CDH13: variants seen among roughly 807,000 people sequenced by gnomAD.
CDH13 encodes the protein cadherin 13, also known as cadherin-13.
In CDH13, 24 loss-of-function variants were observed where a neutral mutation model predicts 63.8. The ratio of observed to expected loss-of-function variants is 0.38; its 90% CI spans 0.27 to 0.53. The LOEUF (loss-of-function observed/expected upper bound fraction) is 0.53, where lower values mean the gene tolerates loss of function less well. Ranked by LOEUF, CDH13 falls within the 20% of genes least tolerant of loss-of-function variation. CDH13 has a pLI of 0.85. For missense variants in CDH13, 1,049 were observed against 903.1 expected (o/e 1.16, Z -2.07); for synonymous variants, 503 against 355.3 (o/e 1.42, Z -4.67).
intron 6 of CDH13, among the ~76,000 whole-genome samples, chr16:83,347,142 T>C (rs2090856300): frequency 1.3e-5 from 2 of 152,214 alleles, no homozygotes; most frequent in Admixed American, 1.3e-4. Context: ...GAAGCATTCA[T>C]GAGGCCAGTG....
intron 6 of CDH13, among the ~76,000 whole-genome samples, chr16:83,473,246 G>A (rs958427828): frequency 5.3e-5 from 8 of 152,094 alleles, no homozygotes; most frequent in African/African-American, 1.9e-4. Flanking sequence ...ACAGGCAGCC[G>A]ACTTCCCAGC....
At chr16:82,843,009 G>A (rs751137960) in intron 1 of CDH13, among the ~76,000 whole-genome samples, 11 of 152,156 alleles carry the variant, frequency 7.2e-5, no homozygotes, top group Non-Finnish European at 1.6e-4. Context: ...CCACTCATGG[G>A]CCCGCCACTC....
intron 7 of CDH13, among the ~76,000 whole-genome samples, chr16:83,493,825 C>T (rs910887552): frequency 6.6e-6 from 1 of 152,210 alleles, no homozygotes. Flanking sequence ...ATGAGTTAAG[C>T]TAAAGGAGAG....
chr16:83,575,680 C>G (rs2150713058), intron 7 of CDH13, among the ~76,000 whole-genome samples: 1 of 152,334 alleles, frequency 6.6e-6, no homozygotes, highest in African/African-American at 2.4e-5. Context: ...TTTAGCTCAA[C>G]CATCAGTCTC....
chr16:83,534,559 T>C (rs2075147199), intron 7 of CDH13, among the ~76,000 whole-genome samples: 1 of 152,242 alleles, frequency 6.6e-6, no homozygotes, highest in African/African-American at 2.4e-5. Context: ...GTGATGCCTG[T>C]CTTTTGTGGC....
At chr16:82,692,370 T>C (rs991560062) in intron 1 of CDH13, among the ~76,000 whole-genome samples, 1 of 152,198 alleles carries the variant, frequency 6.6e-6, no homozygotes, top group African/African-American at 2.4e-5. Context: ...CACAGTTCTG[T>C]ATGGTAGCGG....
intron 3 of CDH13, among the ~76,000 whole-genome samples, chr16:83,036,816 A>G (rs370491644): frequency 3.3e-5 from 5 of 152,076 alleles, no homozygotes; most frequent in East Asian, 3.9e-4. Context: ...GTTCCCGGAG[A>G]TGATTTGGCT....
At chr16:82,703,057 C>T (rs2031180781) in intron 1 of CDH13, among the ~76,000 whole-genome samples, 1 of 152,154 alleles carries the variant, frequency 6.6e-6, no homozygotes, top group South Asian at 2.1e-4. Flanking sequence ...TTCATGAATG[C>T]TTGCAAACAT....
chr16:83,481,756 G>A (rs909448490), intron 6 of CDH13, among the ~76,000 whole-genome samples: 2 of 152,120 alleles, frequency 1.3e-5, no homozygotes, highest in Admixed American at 1.3e-4. Context: ...AATTTATTTT[G>A]TCACTCAGGA....
At chr16:83,586,633 A>C (rs1346636452) in intron 7 of CDH13, among the ~76,000 whole-genome samples, 1 of 152,240 alleles carries the variant, frequency 6.6e-6, no homozygotes, top group Non-Finnish European at 1.5e-5. Context: ...TTTCAAGAAC[A>C]AAATGACTGC....
chr16:83,003,431 A>G (rs555117337), intron 2 of CDH13, among the ~76,000 whole-genome samples: 25 of 152,044 alleles, frequency 1.6e-4, no homozygotes, highest in African/African-American at 5.8e-4. Context: ...AGGCTCATAA[A>G]TAGGGACAGT....
chr16:82,880,624 C>G (rs1157059183), intron 2 of CDH13, among the ~76,000 whole-genome samples: 1 of 152,186 alleles, frequency 6.6e-6, no homozygotes. Context: ...TAGCCCAAGT[C>G]AATGGCCAAC....
At chr16:82,904,852 G>C (rs1054279340) in intron 2 of CDH13, among the ~76,000 whole-genome samples, 8 of 152,036 alleles carry the variant, frequency 5.3e-5, no homozygotes, top group African/African-American at 1.9e-4. Flanking sequence ...TGCGACATTT[G>C]AACTAAATGA....
chr16:82,682,078 G>A (rs181862322), intron 1 of CDH13, among the ~76,000 whole-genome samples: 1 of 152,238 alleles, frequency 6.6e-6, no homozygotes, highest in Admixed American at 6.5e-5. Flanking sequence ...TAGATAACAT[G>A]TATTGAATTT....
intron 7 of CDH13, among the ~76,000 whole-genome samples, chr16:83,565,013 C>G (rs1243908925): frequency 6.6e-6 from 1 of 152,186 alleles, no homozygotes; most frequent in African/African-American, 2.4e-5. Flanking sequence ...ACCCCCATGG[C>G]AGAGGCAACT....
chr16:82,904,611 G>A (rs1472762826), intron 2 of CDH13, among the ~76,000 whole-genome samples: 1 of 152,174 alleles, frequency 6.6e-6, no homozygotes, highest in Non-Finnish European at 1.5e-5. Flanking sequence ...GTGATGTATG[G>A]AGAGTCAGTC....
intron 8 of CDH13, among the ~76,000 whole-genome samples, chr16:83,658,866 A>C (rs1173304326): frequency 7.3e-6 from 1 of 136,174 alleles, no homozygotes; most frequent in Non-Finnish European, 1.6e-5. Context: ...CTCACCAGCA[A>C]GGTCTCCTGT....
intron 5 of CDH13, among the ~76,000 whole-genome samples, chr16:83,267,903 C>G (rs868158542): frequency 1.3e-5 from 2 of 152,224 alleles, no homozygotes; most frequent in East Asian, 3.9e-4. Flanking sequence ...GCTCTCATAC[C>G]TCATTGGCCA....
At chr16:82,999,284 A>T in intron 2 of CDH13, among the ~76,000 whole-genome samples, 1 of 152,040 alleles carries the variant, frequency 6.6e-6, no homozygotes, top group East Asian at 1.9e-4. Context: ...CAAAGCTCCT[A>T]TGGCTCAACT....
Sources: allele counts gnomAD v4.1 joint callset (sites outside exome capture counted in the v4.1 genomes callset), GRCh38; gene constraint gnomAD v4.1.1; transcripts MANE v1.5; gene names NCBI Gene and HGNC (gene_info 2026-07-23, HGNC 2026-07-21).